ITPR2: variants seen among roughly 807,000 people sequenced by gnomAD.
ITPR2 encodes the protein inositol 1,4,5-trisphosphate-gated calcium channel ITPR2.
ITPR2 carries 207 observed loss-of-function variants against 317.1 expected under a neutral mutation model. The ratio of observed to expected loss-of-function variants is 0.65; its 90% CI spans 0.58 to 0.73. The LOEUF is 0.73. Ranked by LOEUF, ITPR2 falls within the 30% of genes least tolerant of loss-of-function variation. The probability of loss-of-function intolerance (pLI) is 0.00; values close to 1 mark genes in which losing one functional copy is unlikely to be tolerated. For missense variants in ITPR2, 2,613 were observed against 3,284.0 expected (o/e 0.80, Z 4.99); for synonymous variants, 1,156 against 1,149.1 (o/e 1.01, Z -0.12).
chr12:26,459,496 G>C (rs907875393), intron 45 of ITPR2, among the ~76,000 whole-genome samples: 3 of 152,220 alleles, frequency 2.0e-5, no homozygotes, highest in African/African-American at 7.2e-5. Context: ...TTCTTGGAAG[G>C]CTGCTGGTGA....
chr12:26,572,038 T>TATAA (rs1945174494), intron 34 of ITPR2, among the ~76,000 whole-genome samples: 1 of 152,232 alleles, frequency 6.6e-6, no homozygotes, highest in Admixed American at 6.5e-5. Flanking sequence ...AAATCTGCCT[T>TATAA]ATAAACAAAG....
intron 13 of ITPR2, among the ~76,000 whole-genome samples, chr12:26,681,435 AT>A (rs916768775): frequency 1.3e-4 from 19 of 150,568 alleles, no homozygotes; most frequent in South Asian, 2.1e-4. Flanking sequence ...CACCCTGCAG[AT>A]TTTTTTTTTC....
intron 1 of ITPR2, among the ~76,000 whole-genome samples, chr12:26,802,280 C>T (rs569838405): frequency 6.6e-6 from 1 of 151,536 alleles, no homozygotes; most frequent in East Asian, 1.9e-4. Context: ...GCCTGGGCAA[C>T]AGAACAAGAC....
rs1565795024 is a variant in ITPR2 at position 26,831,773 on chromosome 12, CTACATAAAATATATAAATATATATTA to C, written c.92+891_92+916del. On this transcript the variant is annotated intron_variant, in intron 1 of 56. Coordinates refer to ENST00000381340, the MANE Select transcript of ITPR2 (RefSeq NM_002223.4). This position sits in a 1 kb window ranked among gnomAD's most constrained non-coding sequence, Gnocchi z 4.9. Reference sequence around the variant, plus strand: ...TACATAAAATATATAAATATATATTCTACATAAAATATATAAATATATATTATACATAAAATATATAAATATATATT... The same window carrying C: ...TACATAAAATATATAAATATATATTCTACATAAAATATATAAATATATATT... Among the ~76,000 whole-genome samples the C allele has an allele frequency of 0.011, 806 of 73,018 alleles. 7 individuals are homozygous for C. The highest frequency in any genetic ancestry group is 0.018 in the East Asian group (44 of 2,490). 47.9% of individuals were successfully genotyped at this position (73,018 alleles called of 152,430 possible). A position where few individuals can be genotyped will look rare whatever the true frequency, so the allele number is the denominator to read the frequency against.
rs759365045 is a variant in ITPR2, at chr12:26,580,097, G to A, written c.4439C>T (p.Thr1480Ile). 3.7e-6 allele frequency: 6 copies of A among 1,611,634 alleles called. No individual in the cohort carries two copies. The East Asian group carries it at 1.1e-4, about 30-fold the overall frequency. ...GCTCACAATATTCATTATTGACTCA[G>A]TAACACACTTTTCCAAAAAGATGTC... ...HADIFLEKCV[T>I]ESIMNIVSGF... The change falls in exon 33 of 57, where the codon ACT becomes ATT. Residue 1480 changes from threonine to isoleucine, a missense_variant. By Grantham distance (89) the Thr-to-Ile change is moderately conservative. Coordinates refer to ENST00000381340, the MANE Select transcript of ITPR2 (RefSeq NM_002223.4).
chr12:26,494,221 C>A lies in ITPR2; in HGVS notation c.5302G>T (p.Asp1768Tyr). Reference protein sequence around the residue: ...VIDVIVNTKNDRIFSEGIFLG... With the variant: ...VIDVIVNTKNYRIFSEGIFLG... ...AAAATGCCTTCTGAAAAAATTCTGT[C>A]ATTTTTGGTGTTCACTATAACATCG... is the stretch of plus-strand genomic sequence containing the variant. The change falls in exon 39 of 57, where the codon GAC becomes TAC. Residue 1768 changes from aspartate (D) to tyrosine (Y), a missense_variant. Around this residue, in one of 9 missense-constraint regions of ITPR2, gnomAD observed 926 missense variants for 1,072.8 expected, o/e 0.86. Coordinates refer to ENST00000381340, the MANE Select transcript of ITPR2 (RefSeq NM_002223.4). 4 of 1,613,192 alleles carry A rather than the reference C, an allele frequency of 2.5e-6. No homozygotes were observed. Among genetic ancestry groups the A allele is most frequent in the Non-Finnish European group, 3.4e-6 (4 of 1,179,612 alleles).
At chr12:26,628,183 A>G (rs762367655) in intron 22 of ITPR2, 21 bp from the exon 23 acceptor site, 4 of 1,569,242 alleles carry the variant, frequency 2.5e-6, no homozygotes, top group Non-Finnish European at 3.5e-6. Flanking sequence ...CATTAAGAAC[A>G]ACATAAATTT....
intron 48 of ITPR2, among the ~76,000 whole-genome samples, chr12:26,435,225 G>A (rs1198172562): frequency 6.6e-6 from 1 of 152,082 alleles, no homozygotes; most frequent in Non-Finnish European, 1.5e-5. Context: ...ATCTGAAATA[G>A]GCTGAAATAC....
At chr12:26,663,947 A>T in intron 14 of ITPR2, 101 bp from the exon 15 acceptor site, 1 of 1,089,534 alleles carries the variant, frequency 9.2e-7, no homozygotes, top group Non-Finnish European at 1.3e-6. Flanking sequence ...CACTTATATA[A>T]ATTTGAGTAT....
At chr12:26,770,329 T>G (rs946850505) in intron 2 of ITPR2, among the ~76,000 whole-genome samples, 13 of 152,322 alleles carry the variant, frequency 8.5e-5, no homozygotes, top group African/African-American at 2.4e-4. Context: ...CTGGGTCGAC[T>G]GAGCTTCTAA....
chr12:26,559,287 A>G (rs1377018971), intron 35 of ITPR2, among the ~76,000 whole-genome samples: 1 of 152,240 alleles, frequency 6.6e-6, no homozygotes, highest in Non-Finnish European at 1.5e-5. Flanking sequence ...ATGCCTTAAT[A>G]TGTGCCTTAA....
chr12:26,543,744 G>C (rs1006789275), intron 37 of ITPR2, among the ~76,000 whole-genome samples: 1 of 152,298 alleles, frequency 6.6e-6, no homozygotes, highest in Middle Eastern at 3.4e-3. Flanking sequence ...ACTCCAGCCT[G>C]GGTGGCAGAG....
chr12:26,481,384 C>A (rs1376298268), intron 42 of ITPR2, 143 bp from the exon 43 acceptor site: 7 of 576,826 alleles, frequency 1.2e-5, no homozygotes, highest in Admixed American at 3.0e-5. Context: ...TTGACTTATT[C>A]TTTTGTATAG....
At chr12:26,473,045 C>T (rs1942332058) in intron 45 of ITPR2, among the ~76,000 whole-genome samples, 1 of 152,046 alleles carries the variant, frequency 6.6e-6, no homozygotes, top group Admixed American at 6.5e-5. Context: ...CACCACCACA[C>T]CCAACTAATT....
chr12:26,801,957 T>C (rs1311916171), intron 1 of ITPR2, among the ~76,000 whole-genome samples: 1 of 150,524 alleles, frequency 6.6e-6, no homozygotes, highest in African/African-American at 2.4e-5. Context: ...ACAAGAGTCA[T>C]ACCTAGAATA....
intron 49 of ITPR2, among the ~76,000 whole-genome samples, chr12:26,422,142 C>A (rs1940917170): frequency 6.7e-6 from 1 of 149,448 alleles, no homozygotes. Flanking sequence ...TAATTATTTA[C>A]TAAATGATTA....
chr12:26,800,560 T>C (rs1950539305), intron 1 of ITPR2, among the ~76,000 whole-genome samples: 1 of 152,108 alleles, frequency 6.6e-6, no homozygotes, highest in South Asian at 2.1e-4. Context: ...CCCAGGAGTC[T>C]GAGTTGAGCC....
At chr12:26,580,335 A>G (rs1945373546) in intron 32 of ITPR2, among the ~76,000 whole-genome samples, 180 bp from the exon 33 acceptor site, 1 of 152,176 alleles carries the variant, frequency 6.6e-6, no homozygotes, top group Admixed American at 6.6e-5. Flanking sequence ...AATCTTCAGT[A>G]GCTGCTCCAT....
chr12:26,486,908 T>G, intron 40 of ITPR2, 160 bp downstream of exon 40: 45 of 742,394 alleles, frequency 6.1e-5, no homozygotes, highest in Middle Eastern at 2.3e-4. Flanking sequence ...GCAGAGCCGT[T>G]TTAGGGTCAC....
Sources: allele counts gnomAD v4.1 joint callset (sites outside exome capture counted in the v4.1 genomes callset), GRCh38; gene constraint gnomAD v4.1.1; regional missense constraint gnomAD v4.1.1; non-coding constraint Gnocchi (gnomAD v3.1); transcripts MANE v1.5; gene names NCBI Gene and HGNC (gene_info 2026-07-23, HGNC 2026-07-21).